RRAS2: variants seen among roughly 807,000 people sequenced by gnomAD.
RRAS2 encodes the protein ras-related protein R-Ras2.
Under a neutral mutation model 27.6 loss-of-function variants are expected in RRAS2, and 7 were observed. The observed-to-expected ratio is 0.25, with a 90% CI of 0.14 to 0.48. The LOEUF is 0.48. Ranked by LOEUF, RRAS2 falls within the 20% of genes least tolerant of loss-of-function variation. RRAS2 has a pLI of 0.99. For synonymous variants in RRAS2, 86 were observed against 90.9 expected (o/e 0.95, Z 0.31); for missense variants, 178 against 256.2 (o/e 0.69, Z 2.08).
chr11:14,290,004 G>C (rs1849766454), intron 4 of RRAS2, among the ~76,000 whole-genome samples: 1 of 152,226 alleles, frequency 6.6e-6, no homozygotes. Flanking sequence ...TGGTTACTCA[G>C]AACCTACAGA....
intron 1 of RRAS2, among the ~76,000 whole-genome samples, chr11:14,343,406 G>T (rs1384528471): frequency 6.6e-6 from 1 of 152,114 alleles, no homozygotes; most frequent in Non-Finnish European, 1.5e-5. Flanking sequence ...TTACTAATAT[G>T]CAACCTCACC....
At chr11:14,339,031 CCTT>C (rs1300852726) in intron 1 of RRAS2, among the ~76,000 whole-genome samples, 2 of 152,102 alleles carry the variant, frequency 1.3e-5, no homozygotes, top group African/African-American at 2.4e-5. Context: ...ATTTATCTGA[CCTT>C]CTAGAAATCA....
chr11:14,311,747 G>A (rs1465192295), intron 1 of RRAS2, among the ~76,000 whole-genome samples: 4 of 152,172 alleles, frequency 2.6e-5, no homozygotes, highest in Non-Finnish European at 5.9e-5. Context: ...ATTTTAAAAT[G>A]TGCTTGTTTC....
At chr11:14,341,282 T>C (rs1234956815) in intron 1 of RRAS2, among the ~76,000 whole-genome samples, 1 of 152,216 alleles carries the variant, frequency 6.6e-6, no homozygotes, top group Non-Finnish European at 1.5e-5. Context: ...TAAACCTACC[T>C]CAAACTACAT....
At chr11:14,319,382 C>A (rs529658350) in intron 1 of RRAS2, among the ~76,000 whole-genome samples, 1 of 116,132 alleles carries the variant, frequency 8.6e-6, no homozygotes, top group Non-Finnish European at 1.6e-5. Flanking sequence ...GACGGAGTCT[C>A]GCTCTGTCGC....
chr11:14,340,719 G>A (rs1469313933), intron 1 of RRAS2, among the ~76,000 whole-genome samples: 1 of 152,142 alleles, frequency 6.6e-6, no homozygotes, highest in African/African-American at 2.4e-5. Flanking sequence ...TACACCATGA[G>A]TTAATTCCTA....
chr11:14,334,192 T>C (rs1489909676), intron 1 of RRAS2, among the ~76,000 whole-genome samples: 3 of 152,178 alleles, frequency 2.0e-5, no homozygotes, highest in Non-Finnish European at 4.4e-5. Flanking sequence ...AGCACGAGAG[T>C]GCCCATTTCC....
In RRAS2 at chr11:14,358,279, A is replaced by G; in HGVS notation, c.108+484T>C. Reference sequence around the variant, plus strand: ...TACTTGAAGCGGGCAGCTCCGGCTCAGGCGGCGCGGGGAAGCCCGGAGACC... The same window carrying G: ...TACTTGAAGCGGGCAGCTCCGGCTCGGGCGGCGCGGGGAAGCCCGGAGACC... On this transcript the variant is annotated intron_variant, in intron 1 of 5. Coordinates refer to ENST00000256196, the MANE Select transcript of RRAS2 (RefSeq NM_012250.6). The surrounding 1 kb of genome is among the most constrained non-coding windows in gnomAD (Gnocchi z 5.1). 2.0e-6 allele frequency: 2 copies of G among 985,508 alleles called. No individual in the cohort carries two copies. Among genetic ancestry groups the G allele is most frequent in the Non-Finnish European group, 2.4e-6 (2 of 829,980 alleles). The allele number at this position is 985,508 out of a possible 1,614,324, so 61.0% of individuals were successfully genotyped here.
chr11:14,361,873 T>C (rs2134051547), upstream of RRAS2, among the ~76,000 whole-genome samples: 1 of 152,306 alleles, frequency 6.6e-6, no homozygotes, highest in East Asian at 1.9e-4. Flanking sequence ...CAAAAAAATG[T>C]CGTATAGCCA....
At chr11:14,289,800 C>A (rs781849623) in intron 4 of RRAS2, among the ~76,000 whole-genome samples, 1 of 152,132 alleles carries the variant, frequency 6.6e-6, no homozygotes, top group African/African-American at 2.4e-5. Context: ...ATCCCTGAAC[C>A]CTGGTGGGGT....
Position 14,358,790 on chromosome 11 carries a change from C to A in RRAS2, c.81G>T (p.Lys27Asn). 1 of 1,484,184 alleles carries A rather than the reference C, an allele frequency of 6.7e-7. No homozygotes were observed. Among genetic ancestry groups the A allele is most frequent in the Non-Finnish European group, 9.0e-7 (1 of 1,110,302 alleles). The allele number at this position is 1,484,184 out of a possible 1,614,324, so 91.9% of individuals were successfully genotyped here. Residue 27 changes from lysine to asparagine, a missense_variant, in exon 1 of 6, where the codon AAG (lysine) becomes AAT (asparagine). Transcript: ENST00000256196. The surrounding 1 kb of genome is among the most constrained non-coding windows in gnomAD (Gnocchi z 5.1). ...GGATGAACTGGATGGTGAGCGCCGACTTGCCCACGCCGCCCCCGCCGACCA... is the reference window on the plus strand; with the variant it reads ...GGATGAACTGGATGGTGAGCGCCGAATTGCCCACGCCGCCCCCGCCGACCA... ...LVVVGGGGVG[K>N]SALTIQFIQS... is the part of the protein sequence containing the mutation.
Position 14,358,894 on chromosome 11 carries a change from G to A in RRAS2, c.-24C>T. 7.3e-7 allele frequency: 1 copy of A among 1,367,982 alleles called. No individual in the cohort carries two copies. The allele number at this position is 1,367,982 out of a possible 1,614,324, so 84.7% of individuals were successfully genotyped here. A position where few individuals can be genotyped will look rare whatever the true frequency, so the allele number is the denominator to read the frequency against. On this transcript the variant is annotated 5_prime_UTR_variant, in exon 1 of 6. Transcript: ENST00000256196. This position sits in a 1 kb window ranked among gnomAD's most constrained non-coding sequence, Gnocchi z 5.1. ...ATGGGGACGCTACAGAGCCCAGCCTGACTGCGCCGAGCCGCCGCTGCCGCC... is the reference window on the plus strand; with the variant it reads ...ATGGGGACGCTACAGAGCCCAGCCTAACTGCGCCGAGCCGCCGCTGCCGCC...
intron 1 of RRAS2, among the ~76,000 whole-genome samples, chr11:14,332,694 G>A (rs140948932): frequency 4.1e-4 from 62 of 152,224 alleles, no homozygotes; most frequent in African/African-American, 1.4e-3. Flanking sequence ...GGAGACAAGG[G>A]ACCTTCTTGG....
At chr11:14,292,773 T>G (rs1378063702) in intron 4 of RRAS2, among the ~76,000 whole-genome samples, 1 of 152,090 alleles carries the variant, frequency 6.6e-6, no homozygotes, top group Non-Finnish European at 1.5e-5. Context: ...ATACCAAGTT[T>G]CATCAGTGGA....
Position 14,279,381 on chromosome 11 carries a change from G to A in RRAS2, c.571C>T (p.Arg191Trp), listed in dbSNP as rs370564233. 27 of 1,613,050 alleles carry A rather than the reference G, an allele frequency of 1.7e-5. No homozygotes were observed. The highest frequency in any genetic ancestry group is 4.5e-5 in the East Asian group (2 of 44,870). Residue 191 changes from arginine to tryptophan, a missense_variant, in exon 6 of 6, where the codon CGG becomes TGG. Transcript: ENST00000256196. ...CAGCCTTTCTTGTCTTTTTCTTTCC[G>A]TGTTGGTTCTGGTGAAGGAGGACAT... Reference protein sequence around the residue: ...QECPPSPEPTRKEKDKKGCHC... With the variant: ...QECPPSPEPTWKEKDKKGCHC...
chr11:14,349,814 G>A (rs1247826537), intron 1 of RRAS2, among the ~76,000 whole-genome samples: 1 of 152,146 alleles, frequency 6.6e-6, no homozygotes, highest in Admixed American at 6.5e-5. Flanking sequence ...CACTCCTTCA[G>A]TGTAGTTAAG....
intron 1 of RRAS2, among the ~76,000 whole-genome samples, chr11:14,343,658 C>G (rs1554953614): frequency 6.6e-6 from 1 of 151,848 alleles, no homozygotes; most frequent in African/African-American, 2.4e-5. Context: ...CGGCGAAACC[C>G]CGTCTCTACC....
chr11:14,300,600 T>C lies in RRAS2; in HGVS notation c.109-4745A>G, dbSNP rs569886026. On this transcript the variant is annotated intron_variant, in intron 1 of 5. Coordinates refer to ENST00000256196, the MANE Select transcript of RRAS2 (RefSeq NM_012250.6). ...GTTTCCACCCCCGCCTCAAAAAAAA[T>C]TGATCTGGGTAAGTTTGTCAGAAGC... Among the ~76,000 whole-genome samples the C allele has an allele frequency of 1.9e-4, 29 of 152,012 alleles. No individual in the cohort carries two copies. In the South Asian group the frequency reaches 5.8e-3, roughly 30 times the overall value.
At chr11:14,331,728 G>T (rs1194296716) in intron 1 of RRAS2, among the ~76,000 whole-genome samples, 2 of 148,778 alleles carry the variant, frequency 1.3e-5, no homozygotes, top group African/African-American at 4.9e-5. Context: ...GAAAGAGGAT[G>T]TAAGTATTAA....
Sources: allele counts gnomAD v4.1 joint callset (sites outside exome capture counted in the v4.1 genomes callset), GRCh38; gene constraint gnomAD v4.1.1; non-coding constraint Gnocchi (gnomAD v3.1); transcripts MANE v1.5; gene names NCBI Gene and HGNC (gene_info 2026-07-23, HGNC 2026-07-21).